Variants in ULK1 observed in about 807,000 individuals in gnomAD.
ULK1 encodes unc-51 like autophagy activating kinase 1, also known as serine/threonine-protein kinase ULK1.
ULK1 carries 48 observed loss-of-function variants against 117.5 expected under a neutral mutation model. The observed-to-expected ratio is 0.41, with a 90% CI of 0.32 to 0.52. The LOEUF (loss-of-function observed/expected upper bound fraction) is 0.52, where lower values mean the gene tolerates loss of function less well. Ranked by LOEUF, ULK1 falls within the 20% of genes least tolerant of loss-of-function variation. ULK1 has a pLI of 0.29. For missense variants in ULK1, 1,387 were observed against 1,473.4 expected (o/e 0.94, Z 0.96); for synonymous variants, 790 against 637.8 (o/e 1.24, Z -3.60).
Position 131,919,944 on chromosome 12 carries a change from C to G in ULK1, c.2804-35C>G, listed in dbSNP as rs755501753. 3.7e-6 allele frequency: 6 copies of G among 1,601,580 alleles called. No homozygotes were observed. In the East Asian group the frequency reaches 1.1e-4, roughly 30 times the overall value. On this transcript the variant is annotated intron_variant, in intron 25 of 27. Transcript: ENST00000321867. Reference sequence around the variant, plus strand: ...CCACTCCAGCCCTGCCCCGTGTCTGCTGCACCCTGAGCTGACCACCCTCGT... The same window carrying G: ...CCACTCCAGCCCTGCCCCGTGTCTGGTGCACCCTGAGCTGACCACCCTCGT...
At chr12:131,895,233 TC>T in intron 1 of ULK1, 121 bp downstream of exon 1, 1 of 726,594 alleles carries the variant, frequency 1.4e-6, no homozygotes, top group South Asian at 2.0e-5. Flanking sequence ...CACTCGACTT[TC>T]CAGGCCGACC....
chr12:131,897,301 G>A (rs1888911996), intron 3 of ULK1: 1 of 152,214 alleles, frequency 6.6e-6, no homozygotes, highest in African/African-American at 2.4e-5. Context: ...TTTAAAAATG[G>A]ACAATGAACG....
At chr12:131,911,484 C>G (rs759276885) in intron 12 of ULK1, among the ~76,000 whole-genome samples, 6 of 152,218 alleles carry the variant, frequency 3.9e-5, no homozygotes, top group Non-Finnish European at 7.3e-5. Flanking sequence ...CTTTAGCCAC[C>G]ACCGCACGGA....
chr12:131,913,110 G>T, intron 13 of ULK1, 88 bp from the exon 14 acceptor site: 1 of 1,302,520 alleles, frequency 7.7e-7, no homozygotes, highest in African/African-American at 1.5e-5. Flanking sequence ...TGGAGTGTGC[G>T]TGGGGATCCA....
At chr12:131,906,557 G>T in intron 3 of ULK1, 1 of 339,186 alleles carries the variant, frequency 2.9e-6, no homozygotes, top group Non-Finnish European at 5.5e-6. Flanking sequence ...GAGGAGCTGA[G>T]AAGCTTCTAT....
rs202237634 is a variant in ULK1, at chr12:131,919,712, C to CGCAGAGG, written c.2803+122_2803+123insGCAGAGG. The CGCAGAGG allele has an allele frequency of 1.3e-3, 1,579 of 1,244,030 alleles. 26 individuals carry two copies. In the African/African-American group the frequency reaches 0.021, roughly 16 times the overall value. 77.1% of individuals were successfully genotyped at this position (1,244,030 alleles called of 1,614,324 possible). A position where few individuals can be genotyped will look rare whatever the true frequency, so the allele number is the denominator to read the frequency against. ...AGGCCCCTGTGCAGAGGTGCAGAGG[C>CGCAGAGG]CCCGGGGCCTGGCCCAGTGTGCAGA... On this transcript the variant is annotated intron_variant, in intron 25 of 27. Coordinates refer to ENST00000321867, the MANE Select transcript of ULK1 (RefSeq NM_003565.4).
intron 22 of ULK1, 169 bp from the exon 23 acceptor site, chr12:131,918,328 G>A (rs1889952827): frequency 1.3e-6 from 1 of 798,898 alleles, no homozygotes; most frequent in Non-Finnish European, 1.9e-6. Flanking sequence ...AGGTTGAGGA[G>A]TGGCTCTAGG....
At chr12:131,917,663 C>A in intron 22 of ULK1, 109 bp downstream of exon 22, 4 of 1,146,206 alleles carry the variant, frequency 3.5e-6, no homozygotes, top group Non-Finnish European at 4.4e-6. Context: ...CCCCAGAGCC[C>A]AGGGGTGCCT....
At chr12:131,915,558 C>G in intron 18 of ULK1, 137 bp downstream of exon 18, 1 of 1,107,894 alleles carries the variant, frequency 9.0e-7, no homozygotes, top group Non-Finnish European at 1.3e-6. Context: ...CCAACTGCCT[C>G]TCCACCTCCT....
intron 22 of ULK1, 57 bp downstream of exon 22, chr12:131,917,611 CGGACG>C: frequency 4.6e-6 from 6 of 1,311,722 alleles, no homozygotes; most frequent in Non-Finnish European, 4.9e-6. Flanking sequence ...AGCGCCCTAG[CGGACG>C]GGGGCATCCT....
chr12:131,916,927 C>A, intron 20 of ULK1, 26 bp from the exon 21 acceptor site: 1 of 1,585,002 alleles, frequency 6.3e-7, no homozygotes, highest in South Asian at 1.1e-5. Flanking sequence ...GCCGGGCACC[C>A]AGCACAGCCC....
At chr12:131,901,475 G>A (rs1275757770) in intron 3 of ULK1, among the ~76,000 whole-genome samples, 1 of 152,138 alleles carries the variant, frequency 6.6e-6, no homozygotes, top group African/African-American at 2.4e-5. Flanking sequence ...AGCCATGCCC[G>A]CGTCCCGGGC....
At chr12:131,908,517 G>T (rs1889376484) in intron 5 of ULK1, 127 bp from the exon 6 acceptor site, 2 of 1,212,710 alleles carry the variant, frequency 1.6e-6, no homozygotes, top group East Asian at 5.8e-5. Flanking sequence ...CTGACCCGGG[G>T]TTTCCTCCCG....
rs187098582 is a variant in ULK1, at chr12:131,922,441, G to A, written c.*1080G>A. On this transcript the variant is annotated 3_prime_UTR_variant, in exon 28 of 28. Transcript: ENST00000321867. The stretch of plus-strand genomic sequence containing the variant: ...AAAGTAACATGTGCAAAAGCTCCCC[G>A]TCCAGCTTTGACAGTCAGTTTTGAT... 48 of 187,482 alleles carry A rather than the reference G, an allele frequency of 2.6e-4. No homozygotes were observed. The highest frequency in any genetic ancestry group is 2.4e-3 in the Middle Eastern group (1 of 414). The allele number at this position is 187,482 out of a possible 1,614,324, so 11.6% of individuals were successfully genotyped here.
intron 15 of ULK1, 137 bp from the exon 16 acceptor site, chr12:131,914,214 AC>A: frequency 7.2e-7 from 1 of 1,379,592 alleles, no homozygotes; most frequent in Non-Finnish European, 9.8e-7. Context: ...CTCTTTTCAG[AC>A]CTGGCATGGG....
intron 26 of ULK1, 46 bp from the exon 27 acceptor site, chr12:131,921,054 G>A: frequency 6.5e-7 from 1 of 1,537,804 alleles, no homozygotes; most frequent in Non-Finnish European, 8.7e-7. Context: ...TTGCTGGGAG[G>A]GAGTGGGGTG....
chr12:131,898,375 C>CA (rs1888957608), intron 3 of ULK1: 1 of 152,208 alleles, frequency 6.6e-6, no homozygotes. Context: ...TCCGGAGAGG[C>CA]AATGCCACTG....
chr12:131,909,383 TG>T (rs1280424804), intron 8 of ULK1, 146 bp downstream of exon 8: 45 of 947,318 alleles, frequency 4.8e-5, no homozygotes, highest in Non-Finnish European at 6.3e-5. Context: ...AGGGGTCCAG[TG>T]GGGAAGGGGC....
chr12:131,919,842 C>A, intron 25 of ULK1, 137 bp from the exon 26 acceptor site: 1 of 1,335,670 alleles, frequency 7.5e-7, no homozygotes. Flanking sequence ...CCTGGCCACA[C>A]CCTCAAGGCC....
Sources: gnomAD v4.1 joint callset for allele counts (sites outside exome capture counted in the v4.1 genomes callset) on GRCh38, gnomAD v4.1.1 for gene constraint, MANE v1.5 for transcripts, NCBI Gene and HGNC (gene_info 2026-07-23, HGNC 2026-07-21) for gene names.